The following PDZD2 variants were observed in gnomAD, a reference collection of about 807,000 sequenced individuals.
PDZD2 encodes the protein PDZ domain containing 2.
In PDZD2, 90 loss-of-function variants were observed where a neutral mutation model predicts 220.7. That is an observed-to-expected ratio of 0.41 (90% CI 0.34 to 0.49). The LOEUF (loss-of-function observed/expected upper bound fraction) is 0.49. Among genes scored for constraint, PDZD2 ranks in the 20% least tolerant of loss-of-function variants. PDZD2 has a pLI of 0.28. For missense variants in PDZD2, 3,174 were observed against 3,608.5 expected, an observed-to-expected ratio of 0.88 and a Z score of 3.08; for synonymous variants, 1,375 against 1,450.5, an observed-to-expected ratio of 0.95 and a Z score of 1.18.
intron 2 of PDZD2, chr5:31,823,092 A>G: frequency 1.2e-6 from 1 of 834,470 alleles, no homozygotes; most frequent in Non-Finnish European, 1.8e-6. Context: ...TAATATTGAC[A>G]TTTTCTGGAA....
At chr5:31,750,815 CTGGAG>C (rs1253546414) in intron 1 of PDZD2, among the ~76,000 whole-genome samples, 3 of 152,250 alleles carry the variant, frequency 2.0e-5, no homozygotes, top group Middle Eastern at 3.4e-3. Flanking sequence ...TTGACTGTGG[CTGGAG>C]TGGAGTGAGT....
intron 5 of PDZD2, among the ~76,000 whole-genome samples, chr5:32,009,588 A>G (rs1753122345): frequency 6.6e-6 from 1 of 151,964 alleles, no homozygotes; most frequent in African/African-American, 2.4e-5. Context: ...TTAATTAGCC[A>G]GGCATGGTGG....
intron 2 of PDZD2, among the ~76,000 whole-genome samples, chr5:31,815,351 G>C (rs1755380720): frequency 6.6e-6 from 1 of 151,616 alleles, no homozygotes; most frequent in African/African-American, 2.4e-5. Flanking sequence ...CAAAAGACCT[G>C]GGAAAGGAAG....
intron 2 of PDZD2, among the ~76,000 whole-genome samples, chr5:31,904,881 G>A (rs186461825): frequency 1.4e-4 from 22 of 152,292 alleles, no homozygotes; most frequent in African/African-American, 5.3e-4. Flanking sequence ...ACATCTAAAT[G>A]TTGCTGCTTG....
chr5:31,719,973 A>T (rs1334364530), intron 1 of PDZD2, among the ~76,000 whole-genome samples: 1 of 152,232 alleles, frequency 6.6e-6, no homozygotes, highest in Non-Finnish European at 1.5e-5. Flanking sequence ...ATTGGCCTGG[A>T]AGCAAAGCAG....
At chr5:32,053,567 A>G (rs2112311083) in intron 9 of PDZD2, among the ~76,000 whole-genome samples, 2 of 152,302 alleles carry the variant, frequency 1.3e-5, no homozygotes, top group Middle Eastern at 6.8e-3. Context: ...GCGTAAATAG[A>G]TCGGAGGAGG....
chr5:31,783,268 T>G (rs1052640188), intron 1 of PDZD2, among the ~76,000 whole-genome samples: 2 of 152,058 alleles, frequency 1.3e-5, no homozygotes, highest in African/African-American at 4.8e-5. Flanking sequence ...TTCCATTTTT[T>G]TTTCTGGTCT....
chr5:31,734,450 G>T (rs1008127524), intron 1 of PDZD2, among the ~76,000 whole-genome samples: 2 of 152,154 alleles, frequency 1.3e-5, no homozygotes, highest in African/African-American at 4.8e-5. Context: ...CCCTTGAGTA[G>T]CTGGGATTAC....
Position 32,108,135 on chromosome 5 carries a change from A to AATTTT in PDZD2, c.*2_*6dup. ...TTAGAAAGCATAGGAATTCTTCATG[A>AATTTT]ATTTTAACAAGAATCATTTTCTCAG... On this transcript the variant is annotated 3_prime_UTR_variant, in exon 25 of 25. Coordinates refer to ENST00000438447, the MANE Select transcript of PDZD2 (RefSeq NM_178140.4). The AATTTT allele has an allele frequency of 6.3e-7, 1 of 1,576,996 alleles. No individual in the cohort carries two copies. Among genetic ancestry groups the AATTTT allele is most frequent in the South Asian group, 1.2e-5 (1 of 85,904 alleles).
intron 6 of PDZD2, among the ~76,000 whole-genome samples, chr5:32,030,161 C>G (rs1755009600): frequency 6.6e-6 from 1 of 152,236 alleles, no homozygotes; most frequent in South Asian, 2.1e-4. Flanking sequence ...CAGGAATGTT[C>G]AGTCAGTCCT....
intron 2 of PDZD2, among the ~76,000 whole-genome samples, chr5:31,968,658 A>AAAAC (rs569612591): frequency 1.1e-3 from 158 of 149,270 alleles, no homozygotes; most frequent in Non-Finnish European, 1.8e-3. Flanking sequence ...TCTGTCTCAA[A>AAAAC]AAACAAACAA....
At chr5:32,003,800 G>A (rs111868216) in intron 5 of PDZD2, among the ~76,000 whole-genome samples, 3 of 152,052 alleles carry the variant, frequency 2.0e-5, no homozygotes, top group Admixed American at 1.3e-4. Context: ...CAACCTCTGC[G>A]TCCCGAGTTC....
intron 1 of PDZD2, among the ~76,000 whole-genome samples, chr5:31,677,192 G>T (rs1418562318): frequency 6.6e-6 from 1 of 152,160 alleles, no homozygotes; most frequent in African/African-American, 2.4e-5. Flanking sequence ...AAGCCGAGGC[G>T]GTGGGGAATG....
intron 2 of PDZD2, among the ~76,000 whole-genome samples, chr5:31,959,275 ATTAAC>A (rs138132878): frequency 0.22 from 31,995 of 148,244 alleles, 3,777 homozygotes; most frequent in Non-Finnish European, 0.27. Flanking sequence ...AAAATAATAT[ATTAAC>A]TTAAAATGAC....
chr5:31,967,516 A>G (rs1027297857), intron 2 of PDZD2, among the ~76,000 whole-genome samples: 1 of 152,086 alleles, frequency 6.6e-6, no homozygotes, highest in Non-Finnish European at 1.5e-5. Flanking sequence ...GCAGTGTGCA[A>G]CTCAGCCCTT....
intron 2 of PDZD2, among the ~76,000 whole-genome samples, chr5:31,839,962 C>T (rs34933263): frequency 0.14 from 20,633 of 152,174 alleles, 1,688 homozygotes; most frequent in Middle Eastern, 0.19. Flanking sequence ...TCCCCAGCCA[C>T]GTGGAACTGT....
intron 2 of PDZD2, among the ~76,000 whole-genome samples, chr5:31,842,794 T>A (rs946151979): frequency 3.3e-5 from 5 of 152,262 alleles, no homozygotes; most frequent in African/African-American, 1.2e-4. Context: ...TAATTACTAA[T>A]ACTTTCATTA....
chr5:32,057,703 T>G lies in PDZD2; in HGVS notation c.1949T>G (p.Phe650Cys). ...GGAATACCAATAAAGGGCTTGACAT[T>G]TCAAGAAGCCATTCATACCTTTAAG... is the stretch of plus-strand genomic sequence containing the variant. ...VNGIPIKGLT[F>C]QEAIHTFKQI... The change falls in exon 11 of 25, where the codon TTT (phenylalanine) becomes TGT (cysteine). Residue 650 changes from phenylalanine to cysteine, a missense_variant. Phe to Cys is a radical substitution (Grantham distance 205, BLOSUM62 -2). Around this residue, in one of 4 missense-constraint regions of PDZD2, gnomAD observed 1,861 missense variants for 2,001.0 expected, o/e 0.93. Coordinates refer to ENST00000438447, the MANE Select transcript of PDZD2 (RefSeq NM_178140.4). The G allele has an allele frequency of 1.3e-6, 2 of 1,594,400 alleles. No individual in the cohort carries two copies. The highest frequency in any genetic ancestry group is 1.7e-6 in the Non-Finnish European group (2 of 1,163,062).
In PDZD2 at chr5:32,074,107, C is replaced by A. The variant is rs1173423820; in HGVS notation, c.3001C>A (p.Pro1001Thr). Residue 1001 changes from proline to threonine, a missense_variant, in exon 18 of 25, where the codon CCG becomes ACG. Pro to Thr is a conservative substitution (Grantham distance 38, BLOSUM62 -1). Coordinates refer to ENST00000438447, the MANE Select transcript of PDZD2 (RefSeq NM_178140.4). ...CATCAGGCCTCTGTCAGAGGATGAC[C>A]CGAGGCGTGTCTCAATTTCCTCTTC... Reference protein sequence around the residue: ...GPIRPLSEDDPRRVSISSSKG... With the variant: ...GPIRPLSEDDTRRVSISSSKG... The A allele has an allele frequency of 6.2e-7, 1 of 1,614,208 alleles. No individual in the cohort carries two copies. Among genetic ancestry groups the A allele is most frequent in the Non-Finnish European group, 8.5e-7 (1 of 1,180,046 alleles).
Sources: gnomAD v4.1 joint callset for allele counts (sites outside exome capture counted in the v4.1 genomes callset) on GRCh38, gnomAD v4.1.1 for gene constraint, gnomAD v4.1.1 regional missense constraint, MANE v1.5 for transcripts, NCBI Gene and HGNC (gene_info 2026-07-23, HGNC 2026-07-21) for gene names.